Variants in ZNF536 observed in about 807,000 individuals in gnomAD.
The protein encoded by ZNF536 is zinc finger protein 536.
In ZNF536, 13 loss-of-function variants were observed where a neutral mutation model predicts 84.5. That is an observed-to-expected ratio of 0.15 (90% CI 0.10 to 0.24). The LOEUF is 0.24. ZNF536 is among the 10% of genes least tolerant of loss of function. The pLI, the probability that ZNF536 is intolerant of heterozygous loss-of-function variation, is 1.00. For missense variants in ZNF536, 1,536 were observed against 1,747.5 expected, an observed-to-expected ratio of 0.88 and a Z score of 2.16; for synonymous variants, 811 against 742.5, an observed-to-expected ratio of 1.09 and a Z score of -1.50.
At chr19:30,538,625 A>G (rs1034530117) in intron 3 of ZNF536, among the ~76,000 whole-genome samples, 3 of 152,136 alleles carry the variant, frequency 2.0e-5, no homozygotes, top group African/African-American at 7.2e-5. Context: ...TCAGGGGACC[A>G]AGGGGAGGCT....
At chr19:30,278,318 C>T (rs1416513040) in intron 1 of ZNF536, among the ~76,000 whole-genome samples, 1 of 152,172 alleles carries the variant, frequency 6.6e-6, no homozygotes, top group African/African-American at 2.4e-5. Flanking sequence ...GTGGTTTCCA[C>T]AGGCATGGAC....
At chr19:30,238,091 T>G (rs2023669311) in intron 1 of ZNF536, among the ~76,000 whole-genome samples, 1 of 152,162 alleles carries the variant, frequency 6.6e-6, no homozygotes. Flanking sequence ...GAGAAAATGA[T>G]TAAGGAGCCC....
In ZNF536 at chr19:30,342,046, G is replaced by C. The variant is rs570160833; in HGVS notation, c.-119-10322G>C. On this transcript the variant is annotated intron_variant, in intron 2 of 5. Coordinates refer to the ZNF536 transcript ENST00000585628. ...TGGAAAAGCCTGGAAACAGATTTCA[G>C]TTTAAAGTCAAAACTCCTCTTCTGT... Among the ~76,000 whole-genome samples the C allele has an allele frequency of 3.3e-5, 5 of 152,318 alleles. No homozygotes were observed. In the South Asian group the frequency reaches 1.0e-3, roughly 32 times the overall value.
intron 2 of ZNF536, among the ~76,000 whole-genome samples, chr19:30,309,662 C>G (rs1003572048): frequency 6.6e-6 from 1 of 152,132 alleles, no homozygotes; most frequent in African/African-American, 2.4e-5. Context: ...TAAAAACTTT[C>G]GTAAGAACAC....
chr19:30,631,879 C>G (rs1425006705), intron 1 of ZNF536, among the ~76,000 whole-genome samples: 1 of 152,188 alleles, frequency 6.6e-6, no homozygotes, highest in Non-Finnish European at 1.5e-5. Context: ...ACCAGAGAGT[C>G]CATTTCATTT....
chr19:30,516,023 T>A, intron 2 of ZNF536, among the ~76,000 whole-genome samples: 2 of 84,492 alleles, frequency 2.4e-5, no homozygotes, highest in Non-Finnish European at 2.2e-5. Flanking sequence ...TGAGACTCCA[T>A]CTCAAAAAAA....
chr19:30,614,245 C>T (rs1019905574), intron 1 of ZNF536, among the ~76,000 whole-genome samples: 5 of 152,140 alleles, frequency 3.3e-5, no homozygotes, highest in Admixed American at 6.5e-5. Flanking sequence ...AAAATAATTG[C>T]GGTTTTTGCC....
At chr19:30,417,626 C>T (rs1175843539) in intron 1 of ZNF536, among the ~76,000 whole-genome samples, 1 of 152,110 alleles carries the variant, frequency 6.6e-6, no homozygotes, top group Non-Finnish European at 1.5e-5. Flanking sequence ...ATTTTCTTTG[C>T]TAATTGCATT....
At chr19:30,583,554 G>A (rs913488154) in intron 1 of ZNF536, among the ~76,000 whole-genome samples, 15 of 152,308 alleles carry the variant, frequency 9.8e-5, no homozygotes, top group Middle Eastern at 6.8e-3. Flanking sequence ...AGATGCTTAA[G>A]AAGTGCCCCA....
intron 2 of ZNF536, among the ~76,000 whole-genome samples, chr19:30,298,341 T>A (rs989329057): frequency 1.4e-4 from 21 of 152,234 alleles, no homozygotes; most frequent in African/African-American, 5.1e-4. Flanking sequence ...ATGCCCAGGA[T>A]GTCCCCCTGT....
At chr19:30,468,948 T>C (rs1044699249) in intron 2 of ZNF536, among the ~76,000 whole-genome samples, 3 of 151,844 alleles carry the variant, frequency 2.0e-5, no homozygotes, top group African/African-American at 7.3e-5. Flanking sequence ...ACCCACCCCA[T>C]AAAGGGGGGC....
chr19:30,343,072 C>T (rs144599256), intron 2 of ZNF536, among the ~76,000 whole-genome samples: 3 of 152,126 alleles, frequency 2.0e-5, no homozygotes, highest in African/African-American at 2.4e-5. Flanking sequence ...TTGTCTCCCC[C>T]ACCCTCGGCC....
chr19:30,409,837 A>G (rs2050407316), intron 1 of ZNF536, among the ~76,000 whole-genome samples: 1 of 152,214 alleles, frequency 6.6e-6, no homozygotes, highest in Non-Finnish European at 1.5e-5. Flanking sequence ...ATATGTATGT[A>G]TATCTATATT....
In ZNF536 at chr19:30,360,184, C is replaced by T. The variant is rs573956063; in HGVS notation, c.-3+7700C>T. Among the ~76,000 whole-genome samples, 29 of 152,294 alleles carry T rather than the reference C, an allele frequency of 1.9e-4. No individual in the cohort carries two copies. In the South Asian group the frequency reaches 5.8e-3, roughly 31 times the overall value. ...GAAAGTACCACGCAGCGAGCTTGGG[C>T]GTAGTGAAAGTGCTTGGGAAGGGGT... is the stretch of plus-strand genomic sequence containing the variant. On this transcript the variant is annotated intron_variant, in intron 3 of 5. Coordinates refer to the ZNF536 transcript ENST00000585628.
At chr19:30,242,541 C>T (rs2024010769) in intron 1 of ZNF536, among the ~76,000 whole-genome samples, 1 of 152,196 alleles carries the variant, frequency 6.6e-6, no homozygotes, top group African/African-American at 2.4e-5. Flanking sequence ...TCCCTCCATC[C>T]TTTTCCATCC....
At chr19:30,640,608 TCTTACCAGCCTGCAAGGC>T (rs1189713064) in intron 1 of ZNF536, among the ~76,000 whole-genome samples, 1 of 152,166 alleles carries the variant, frequency 6.6e-6, no homozygotes, top group Non-Finnish European at 1.5e-5. Flanking sequence ...CCCTGCACCG[TCTTACCAGCCTGCAAGGC>T]AGGGAGGTTT....
chr19:30,602,073 G>A (rs1309270806), intron 1 of ZNF536, among the ~76,000 whole-genome samples: 1 of 152,212 alleles, frequency 6.6e-6, no homozygotes, highest in South Asian at 2.1e-4. Flanking sequence ...AAAAGCTTCA[G>A]TCCACCCATT....
At chr19:30,406,797 C>A (rs2091713060) in intron 1 of ZNF536, among the ~76,000 whole-genome samples, 1 of 152,168 alleles carries the variant, frequency 6.6e-6, no homozygotes, top group South Asian at 2.1e-4. Context: ...CAGGGGCCAC[C>A]ACAACTTGTT....
chr19:30,630,100 C>T (rs980033128), intron 1 of ZNF536, among the ~76,000 whole-genome samples: 1 of 152,222 alleles, frequency 6.6e-6, no homozygotes, highest in African/African-American at 2.4e-5. Context: ...GTTTTATCTG[C>T]AGAATATAAG....
Sources: allele counts gnomAD v4.1 joint callset (sites outside exome capture counted in the v4.1 genomes callset), GRCh38; gene constraint gnomAD v4.1.1; transcripts MANE v1.5; gene names NCBI Gene and HGNC (gene_info 2026-07-23, HGNC 2026-07-21).